The following PRKD1 variants were observed in gnomAD, a reference collection of about 807,000 sequenced individuals.
PRKD1 encodes the protein protein kinase D1, also known as serine/threonine-protein kinase D1.
A neutral mutation model predicts 95.9 loss-of-function variants in PRKD1; 63 were observed. The ratio of observed to expected loss-of-function variants is 0.66; its 90% CI spans 0.54 to 0.81. The LOEUF (loss-of-function observed/expected upper bound fraction) is 0.81, where lower values mean the gene tolerates loss of function less well. Among genes scored for constraint, PRKD1 ranks in the 30% least tolerant of loss-of-function variants. The pLI is 0.00. For synonymous variants in PRKD1, 425 were observed against 423.1 expected (o/e 1.00, Z -0.05); for missense variants, 1,048 against 1,165.3 (o/e 0.90, Z 1.47).
chr14:29,922,397 GCAGTCTATAAC>G (rs1202873890), intron 1 of PRKD1, among the ~76,000 whole-genome samples: 1 of 151,344 alleles, frequency 6.6e-6, no homozygotes, highest in Non-Finnish European at 1.5e-5. Context: ...CTCATTTTTT[GCAGTCTATAAC>G]ACAAAATATA....
At chr14:29,817,869 A>G (rs1413817405) in intron 1 of PRKD1, among the ~76,000 whole-genome samples, 3 of 152,178 alleles carry the variant, frequency 2.0e-5, no homozygotes, top group Non-Finnish European at 4.4e-5. Flanking sequence ...TAGCTTTGCC[A>G]TTTTTTTCTT....
intron 1 of PRKD1, among the ~76,000 whole-genome samples, chr14:29,796,438 C>T (rs1889818930): frequency 6.6e-6 from 1 of 151,916 alleles, no homozygotes; most frequent in Non-Finnish European, 1.5e-5. Context: ...CCTATAGTTC[C>T]TGAAATAGGA....
intron 1 of PRKD1, among the ~76,000 whole-genome samples, chr14:29,879,252 G>T (rs1229149682): frequency 6.6e-6 from 1 of 152,196 alleles, no homozygotes; most frequent in African/African-American, 2.4e-5. Flanking sequence ...AACTTGAATT[G>T]TATTTCCCAG....
intron 1 of PRKD1, among the ~76,000 whole-genome samples, chr14:29,885,124 T>A (rs749024361): frequency 0.033 from 4,375 of 131,034 alleles, 96 homozygotes; most frequent in Non-Finnish European, 0.046. Flanking sequence ...CTCCATCTTT[T>A]AAAAAAAAAA....
At chr14:29,869,407 C>T (rs1458804208) in intron 1 of PRKD1, among the ~76,000 whole-genome samples, 1 of 151,062 alleles carries the variant, frequency 6.6e-6, no homozygotes, top group Non-Finnish European at 1.5e-5. Context: ...ACCATTGTAC[C>T]CCAGTCTGGA....
intron 9 of PRKD1, 50 bp downstream of exon 9, chr14:29,632,819 T>C (rs1209180): frequency 0.56 from 843,086 of 1,505,176 alleles, 245,117 homozygotes; most frequent in East Asian, 0.65. Context: ...TACATTCCCA[T>C]GAAAAAGCAA....
intron 1 of PRKD1, among the ~76,000 whole-genome samples, chr14:29,776,694 A>G (rs2139154649): frequency 6.6e-6 from 1 of 152,332 alleles, no homozygotes; most frequent in East Asian, 1.9e-4. Flanking sequence ...TGATGGGGAG[A>G]ATGGAACCAA....
intron 1 of PRKD1, among the ~76,000 whole-genome samples, chr14:29,918,602 C>G (rs1894975956): frequency 6.6e-6 from 1 of 152,114 alleles, no homozygotes; most frequent in Admixed American, 6.6e-5. Flanking sequence ...CTCTTTATTT[C>G]TAGTTTTTAA....
Position 29,632,939 on chromosome 14 carries a change from C to G in PRKD1, c.1322G>C (p.Arg441Pro). 6.2e-7 allele frequency: 1 copy of G among 1,612,968 alleles called. No homozygotes were observed. Among genetic ancestry groups the G allele is most frequent in the Non-Finnish European group, 8.5e-7 (1 of 1,179,050 alleles). Reference protein sequence around the residue: ...HYTSKDTLRKRHYWRLDSKCI... With the variant: ...HYTSKDTLRKPHYWRLDSKCI... ...TTTGCTATCCAATCTCCAATAGTGC[C>G]GTTTCCGCTGAAACAGAAGTTAGAT... The change falls in exon 9 of 18, where the codon CGG (arginine) becomes CCG (proline). Residue 441 changes from arginine (R) to proline (P), a missense_variant. By Grantham distance (103) the Arg-to-Pro change is moderately radical. Coordinates refer to ENST00000331968, the MANE Select transcript of PRKD1 (RefSeq NM_002742.3).
intron 1 of PRKD1, among the ~76,000 whole-genome samples, chr14:29,886,432 G>C (rs771578551): frequency 9.9e-5 from 15 of 152,158 alleles, no homozygotes; most frequent in Admixed American, 6.5e-5. Context: ...TCAGATGAAA[G>C]GAGCCAATTC....
At chr14:29,724,983 G>C (rs1252743419) in intron 2 of PRKD1, among the ~76,000 whole-genome samples, 2 of 152,124 alleles carry the variant, frequency 1.3e-5, no homozygotes, top group Non-Finnish European at 2.9e-5. Context: ...TAAAAAATGT[G>C]AGCAGAGGCA....
chr14:29,765,405 T>C (rs954896906), intron 1 of PRKD1, among the ~76,000 whole-genome samples: 3 of 152,144 alleles, frequency 2.0e-5, no homozygotes, highest in African/African-American at 7.2e-5. Context: ...TGTTGAGAAC[T>C]GAAAAACAGT....
intron 1 of PRKD1, among the ~76,000 whole-genome samples, chr14:29,898,442 C>T (rs1894207509): frequency 1.3e-5 from 2 of 151,896 alleles, no homozygotes; most frequent in African/African-American, 4.8e-5. Context: ...TCAACAGGTC[C>T]GTAAGTGCCT....
intron 2 of PRKD1, among the ~76,000 whole-genome samples, chr14:29,698,454 C>T (rs139161601): frequency 1.9e-3 from 289 of 152,148 alleles, no homozygotes; most frequent in African/African-American, 6.7e-3. Context: ...AAATCCTAGA[C>T]GGTAGATACA....
At chr14:29,706,116 G>A (rs1009624140) in intron 2 of PRKD1, among the ~76,000 whole-genome samples, 5 of 151,994 alleles carry the variant, frequency 3.3e-5, no homozygotes, top group South Asian at 2.1e-4. Flanking sequence ...GTTACTGTCT[G>A]TCTACTTGAT....
At chr14:29,877,971 T>G (rs1893362306) in intron 1 of PRKD1, among the ~76,000 whole-genome samples, 2 of 152,178 alleles carry the variant, frequency 1.3e-5, no homozygotes, top group South Asian at 4.1e-4. Context: ...ATTGCAGCCA[T>G]AAGAAGAATG....
chr14:29,872,369 T>C (rs562935112), intron 1 of PRKD1, among the ~76,000 whole-genome samples: 1 of 152,272 alleles, frequency 6.6e-6, no homozygotes, highest in African/African-American at 2.4e-5. Flanking sequence ...CAAAAGTCAC[T>C]TAAAATCTCC....
At chr14:29,862,328 G>A (rs547617103) in intron 1 of PRKD1, among the ~76,000 whole-genome samples, 9 of 152,278 alleles carry the variant, frequency 5.9e-5, no homozygotes, top group African/African-American at 1.7e-4. Context: ...CAAAAAACAT[G>A]GGAGAACAGA....
chr14:29,753,311 T>A (rs890231070), intron 1 of PRKD1, among the ~76,000 whole-genome samples: 1 of 152,124 alleles, frequency 6.6e-6, no homozygotes, highest in Non-Finnish European at 1.5e-5. Context: ...TTGCCAAACC[T>A]TTACCTTAAA....
Sources: gnomAD v4.1 joint callset for allele counts (sites outside exome capture counted in the v4.1 genomes callset) on GRCh38, gnomAD v4.1.1 for gene constraint, MANE v1.5 for transcripts, NCBI Gene and HGNC (gene_info 2026-07-23, HGNC 2026-07-21) for gene names.